The following ANKRD26 variants were observed in gnomAD, a reference collection of about 807,000 sequenced individuals.
ANKRD26 encodes ankyrin repeat domain-containing protein 26.
In ANKRD26, 141 loss-of-function variants were observed where a neutral mutation model predicts 208.7. The observed-to-expected ratio is 0.68, with a 90% CI of 0.59 to 0.78. The LOEUF is 0.78. ANKRD26 is among the 30% of genes least tolerant of loss of function. ANKRD26 has a pLI of 0.00. For synonymous variants in ANKRD26, 636 were observed against 660.4 expected (o/e 0.96, Z 0.57); for missense variants, 1,889 against 1,938.7 (o/e 0.97, Z 0.48).
chr10:27,090,134 A>G (rs1302901204), intron 4 of ANKRD26, among the ~76,000 whole-genome samples: 1 of 152,184 alleles, frequency 6.6e-6, no homozygotes, highest in Non-Finnish European at 1.5e-5. Context: ...TATAGTGGGC[A>G]TGAGGGGTGT....
At chr10:27,086,165 T>C (rs1183857568) in intron 5 of ANKRD26, among the ~76,000 whole-genome samples, 1 of 152,068 alleles carries the variant, frequency 6.6e-6, no homozygotes, top group Non-Finnish European at 1.5e-5. Flanking sequence ...ACACAAACCA[T>C]TTATTATAAA....
At chr10:26,988,256 T>C (rs2052422749), downstream of ANKRD26, among the ~76,000 whole-genome samples, 1 of 152,186 alleles carries the variant, frequency 6.6e-6, no homozygotes, top group South Asian at 2.1e-4. Context: ...AAAATTTCTC[T>C]CACTCTACTA....
chr10:27,021,867 T>G (rs1231397032), intron 29 of ANKRD26, among the ~76,000 whole-genome samples: 1 of 152,092 alleles, frequency 6.6e-6, no homozygotes, highest in Non-Finnish European at 1.5e-5. Context: ...TCTATTCATC[T>G]CCTTTGCCCA....
chr10:26,990,386 T>C (rs1010297594), downstream of ANKRD26, among the ~76,000 whole-genome samples: 3 of 152,120 alleles, frequency 2.0e-5, no homozygotes, highest in Non-Finnish European at 4.4e-5. Context: ...AAAGGAAAAC[T>C]AAATTTAAAC....
At chr10:26,963,721 G>A in the ANKRD26 span, among the ~76,000 whole-genome samples, 1 of 152,104 alleles carries the variant, frequency 6.6e-6, no homozygotes, top group South Asian at 2.1e-4. Context: ...ACAGGGCATA[G>A]TGTTTGCATA....
chr10:27,014,760 G>C, intron 30 of ANKRD26, 49 bp from the exon 31 acceptor site: 4 of 1,496,476 alleles, frequency 2.7e-6, no homozygotes, highest in Non-Finnish European at 3.7e-6. Flanking sequence ...ACCTGAGTAA[G>C]ACCATGGTCA....
intron 17 of ANKRD26, among the ~76,000 whole-genome samples, chr10:27,048,270 C>G (rs1195266832): frequency 6.6e-6 from 1 of 152,088 alleles, no homozygotes; most frequent in Non-Finnish European, 1.5e-5. Flanking sequence ...AATAAATATC[C>G]TTAGCAACAT....
chr10:27,086,217 T>C (rs1330089525), intron 5 of ANKRD26, among the ~76,000 whole-genome samples: 2 of 152,114 alleles, frequency 1.3e-5, no homozygotes, highest in African/African-American at 2.4e-5. Context: ...GTCTAGTTCA[T>C]TATAATGTAA....
chr10:26,969,811 GTTTTT>G (rs34596945), downstream of ANKRD26, among the ~76,000 whole-genome samples: 1 of 136,354 alleles, frequency 7.3e-6, no homozygotes, highest in Non-Finnish European at 1.6e-5. Context: ...TTTACTTTCT[GTTTTT>G]TTTTTTTTTT....
chr10:27,014,633 T>C lies in ANKRD26; in HGVS notation c.4585A>G (p.Arg1529Gly), dbSNP rs1000960315. 38 of 1,613,380 alleles carry C rather than the reference T, an allele frequency of 2.4e-5. No individual in the cohort carries two copies. Among genetic ancestry groups the C allele is most frequent in the Non-Finnish European group, 3.1e-5 (37 of 1,179,742 alleles). ...AGTTCAGATTCCAGATCTTTAATTC[T>C]GAGTTCCATCTGACTTTTCATTGAA... ...FASMKSQMEL[R>G]IKDLESELSK... The change falls in exon 31 of 34, where the codon AGA becomes GGA. Residue 1529 changes from arginine (R) to glycine (G), a missense_variant. Physicochemically the swap from Arg to Gly is moderately radical, Grantham distance 125 (BLOSUM62 -2). Transcript: ENST00000376087.
chr10:27,051,783 AAAG>A, intron 16 of ANKRD26: 8 of 985,374 alleles, frequency 8.1e-6, no homozygotes, highest in Non-Finnish European at 9.6e-6. Flanking sequence ...ATTATTTGTC[AAAG>A]AAGAAGGTAT....
chr10:27,048,758 G>A, intron 17 of ANKRD26, 43 bp downstream of exon 17: 1 of 1,567,688 alleles, frequency 6.4e-7, no homozygotes, highest in Non-Finnish European at 8.8e-7. Flanking sequence ...AATTTTTATA[G>A]CACAATAACA....
chr10:26,999,003 C>A (rs1270643155), intron 4 of ANKRD26, among the ~76,000 whole-genome samples: 2 of 152,186 alleles, frequency 1.3e-5, no homozygotes, highest in African/African-American at 4.8e-5. Flanking sequence ...CTGAAGATTT[C>A]TCTGAGATAA....
chr10:27,079,040 G>T, intron 7 of ANKRD26, 49 bp downstream of exon 7: 1 of 1,504,938 alleles, frequency 6.6e-7, no homozygotes, highest in Non-Finnish European at 9.2e-7. Flanking sequence ...AATACTATAC[G>T]AAACTAGATT....
At chr10:27,099,873 T>G (rs1450837033) in intron 1 of ANKRD26, among the ~76,000 whole-genome samples, 1 of 152,184 alleles carries the variant, frequency 6.6e-6, no homozygotes, top group African/African-American at 2.4e-5. Flanking sequence ...CTAAGGGATT[T>G]CGGGGGGATC....
At chr10:27,032,618 A>G (rs1298440715) in intron 25 of ANKRD26, among the ~76,000 whole-genome samples, 3 of 151,122 alleles carry the variant, frequency 2.0e-5, no homozygotes, top group Non-Finnish European at 4.4e-5. Context: ...CCTGGGCTAC[A>G]GAGCGAGACT....
chr10:27,051,299 T>G, intron 16 of ANKRD26: 1 of 1,287,602 alleles, frequency 7.8e-7, no homozygotes, highest in Middle Eastern at 2.1e-4. Flanking sequence ...GTATTGGTTT[T>G]GTTTTCTTGT....
intron 4 of ANKRD26, among the ~76,000 whole-genome samples, chr10:26,998,672 C>T (rs561777012): frequency 3.3e-5 from 5 of 152,314 alleles, no homozygotes; most frequent in East Asian, 1.9e-4. Flanking sequence ...GATAGACAAA[C>T]GCTGGGGTTC....
downstream of ANKRD26, among the ~76,000 whole-genome samples, chr10:26,969,944 C>T (rs1387658334): frequency 1.3e-5 from 2 of 151,736 alleles, no homozygotes; most frequent in Non-Finnish European, 2.9e-5. Flanking sequence ...AAGCGATCTT[C>T]CTGCCTCAGC....
Sources: allele counts gnomAD v4.1 joint callset (sites outside exome capture counted in the v4.1 genomes callset), GRCh38; gene constraint gnomAD v4.1.1; transcripts MANE v1.5; gene names NCBI Gene and HGNC (gene_info 2026-07-23, HGNC 2026-07-21).